ADAMTSL1: variants seen among roughly 807,000 people sequenced by gnomAD.
ADAMTSL1 encodes the protein ADAMTS-like protein 1.
ADAMTSL1 carries 126 observed loss-of-function variants against 201.8 expected under a neutral mutation model. That is an observed-to-expected ratio of 0.62 (90% CI 0.54 to 0.72). ADAMTSL1 has a LOEUF of 0.72. Ranked by LOEUF, ADAMTSL1 falls within the 30% of genes least tolerant of loss-of-function variation. The pLI is 0.00. For missense variants in ADAMTSL1, 2,679 were observed against 2,277.8 expected, an observed-to-expected ratio of 1.18 and a Z score of -3.59; for synonymous variants, 1,121 against 903.4, an observed-to-expected ratio of 1.24 and a Z score of -4.32.
At chr9:18,190,284 G>T (rs189164408) in intron 2 of ADAMTSL1, among the ~76,000 whole-genome samples, 1 of 152,150 alleles carries the variant, frequency 6.6e-6, no homozygotes, top group Non-Finnish European at 1.5e-5. Flanking sequence ...ATTTTAAGTG[G>T]AATGTTATAT....
intron 1 of ADAMTSL1, among the ~76,000 whole-genome samples, chr9:18,105,386 C>G (rs1824711599): frequency 1.3e-5 from 2 of 152,164 alleles, no homozygotes. Flanking sequence ...CTGACACTTG[C>G]CCAACCAACG....
chr9:18,353,728 G>A (rs1836081476), intron 2 of ADAMTSL1, among the ~76,000 whole-genome samples: 1 of 152,068 alleles, frequency 6.6e-6, no homozygotes, highest in African/African-American at 2.4e-5. Flanking sequence ...CATATCTTCT[G>A]TTTTCACAGT....
chr9:17,936,746 T>C (rs1417779095), intron 1 of ADAMTSL1, among the ~76,000 whole-genome samples: 1 of 152,054 alleles, frequency 6.6e-6, no homozygotes, highest in Admixed American at 6.6e-5. Context: ...CTCCCCAACC[T>C]CGCCACCGCC....
At chr9:18,198,941 G>C (rs1367611737) in intron 2 of ADAMTSL1, among the ~76,000 whole-genome samples, 1 of 142,340 alleles carries the variant, frequency 7.0e-6, no homozygotes, top group Non-Finnish European at 1.5e-5. Flanking sequence ...AAAAAATGAT[G>C]AGTTCATGTC....
chr9:18,758,213 T>C (rs1819880697), intron 16 of ADAMTSL1, among the ~76,000 whole-genome samples: 2 of 152,238 alleles, frequency 1.3e-5, no homozygotes, highest in Admixed American at 1.3e-4. Flanking sequence ...TTTTTCACTA[T>C]GCAGTATGGC....
chr9:18,723,394 C>CCTGGGACTTGCTTAAAACTG, intron 15 of ADAMTSL1: 1 of 395,852 alleles, frequency 2.5e-6, no homozygotes. Context: ...GGAGTCAGTG[C>CCTGGGACTTGCTTAAAACTG]CTGGGACTTG....
chr9:18,864,879 C>A (rs531063811), intron 23 of ADAMTSL1, among the ~76,000 whole-genome samples: 3 of 152,196 alleles, frequency 2.0e-5, no homozygotes, highest in Admixed American at 2.0e-4. Flanking sequence ...GAGGGGAACC[C>A]CCTGGTCTTT....
At chr9:18,485,146 C>A (rs1402411057) in intron 1 of ADAMTSL1, among the ~76,000 whole-genome samples, 2 of 152,144 alleles carry the variant, frequency 1.3e-5, no homozygotes, top group African/African-American at 4.8e-5. Flanking sequence ...GGTTATGTAA[C>A]ATGCCTAAGA....
intron 3 of ADAMTSL1, among the ~76,000 whole-genome samples, chr9:18,554,304 G>T (rs569109410): frequency 6.6e-6 from 1 of 151,618 alleles, no homozygotes; most frequent in Non-Finnish European, 1.5e-5. Flanking sequence ...TTTTCTGTAG[G>T]TCTGATTTTC....
At chr9:18,250,373 G>A (rs1587396925) in intron 2 of ADAMTSL1, among the ~76,000 whole-genome samples, 1 of 152,266 alleles carries the variant, frequency 6.6e-6, no homozygotes, top group African/African-American at 2.4e-5. Context: ...CTCCCTCTTT[G>A]GGAGAGATAT....
At chr9:18,204,243 G>T (rs1163367888) in intron 2 of ADAMTSL1, among the ~76,000 whole-genome samples, 7 of 152,052 alleles carry the variant, frequency 4.6e-5, no homozygotes, top group Non-Finnish European at 1.0e-4. Flanking sequence ...GGAGGTAATT[G>T]GATCATGGGG....
chr9:18,780,238 T>G (rs2133774443), intron 19 of ADAMTSL1, among the ~76,000 whole-genome samples: 1 of 152,350 alleles, frequency 6.6e-6, no homozygotes, highest in East Asian at 1.9e-4. Flanking sequence ...CCTGCACTTT[T>G]CACGGTCTTA....
intron 3 of ADAMTSL1, among the ~76,000 whole-genome samples, chr9:18,557,118 A>C (rs1255888526): frequency 6.6e-6 from 1 of 151,980 alleles, no homozygotes; most frequent in Non-Finnish European, 1.5e-5. Flanking sequence ...TCTATAAGGA[A>C]AGGCACAGAT....
chr9:18,811,345 C>A (rs10122993), intron 20 of ADAMTSL1, among the ~76,000 whole-genome samples: 51,573 of 152,128 alleles, frequency 0.34, 8,994 homozygotes, highest in East Asian at 0.51. Flanking sequence ...TTCACCCTGC[C>A]GTGCCCACCT....
intron 1 of ADAMTSL1, among the ~76,000 whole-genome samples, chr9:18,127,068 G>A (rs1048188748): frequency 4.6e-5 from 7 of 152,144 alleles, no homozygotes; most frequent in Non-Finnish European, 1.0e-4. Context: ...TGTAAAGACA[G>A]CATTTCAGTG....
At chr9:17,939,730 A>G (rs1197735873) in intron 1 of ADAMTSL1, among the ~76,000 whole-genome samples, 1 of 152,134 alleles carries the variant, frequency 6.6e-6, no homozygotes, top group African/African-American at 2.4e-5. Context: ...CTCCCATACT[A>G]TATTAAACAC....
intron 2 of ADAMTSL1, among the ~76,000 whole-genome samples, chr9:18,441,377 C>G (rs149436600): frequency 1.2e-4 from 18 of 152,270 alleles, no homozygotes; most frequent in Non-Finnish European, 2.4e-4. Flanking sequence ...AGCTGGCCCT[C>G]TTTGGGGAAA....
intron 1 of ADAMTSL1, among the ~76,000 whole-genome samples, chr9:17,915,895 A>C (rs1486187993): frequency 2.0e-5 from 3 of 151,902 alleles, no homozygotes; most frequent in African/African-American, 7.3e-5. Flanking sequence ...TAGTTTTCTT[A>C]TTGGGCTTGG....
At chr9:18,057,834 A>G (rs1181802074) in intron 1 of ADAMTSL1, among the ~76,000 whole-genome samples, 1 of 152,178 alleles carries the variant, frequency 6.6e-6, no homozygotes, top group African/African-American at 2.4e-5. Context: ...TTGAGTTTTA[A>G]TGTCACTATT....
Sources: gnomAD v4.1 joint callset for allele counts (sites outside exome capture counted in the v4.1 genomes callset) on GRCh38, gnomAD v4.1.1 for gene constraint, MANE v1.5 for transcripts, NCBI Gene and HGNC (gene_info 2026-07-23, HGNC 2026-07-21) for gene names.